Variants in CFAP54 observed in about 807,000 individuals in gnomAD.
CFAP54 encodes the protein cilia- and flagella-associated protein 54.
CFAP54 carries 290 observed loss-of-function variants against 370.4 expected under a neutral mutation model. The observed-to-expected ratio is 0.78, with a 90% confidence interval of 0.71 to 0.86. CFAP54 has a LOEUF of 0.86. CFAP54 is among the 40% of genes least tolerant of loss of function. The probability of loss-of-function intolerance (pLI) is 0.00; values close to 1 mark genes in which losing one functional copy is unlikely to be tolerated. For missense variants in CFAP54, 3,399 were observed against 3,528.7 expected (o/e 0.96, Z 0.93); for synonymous variants, 1,206 against 1,236.5 (o/e 0.98, Z 0.52).
chr12:96,615,754 A>C (rs890503715), intron 26 of CFAP54, among the ~76,000 whole-genome samples: 1 of 152,258 alleles, frequency 6.6e-6, no homozygotes, highest in Non-Finnish European at 1.5e-5. Context: ...CAAAAGACAC[A>C]TGAAAAAATG....
At chr12:96,836,390 A>G (rs1181204248) in intron 66 of CFAP54, among the ~76,000 whole-genome samples, 1 of 152,144 alleles carries the variant, frequency 6.6e-6, no homozygotes, top group Non-Finnish European at 1.5e-5. Flanking sequence ...CTGGCTTTTG[A>G]TCTTTCTTTA....
chr12:96,822,739 G>A (rs1054364809), intron 65 of CFAP54, among the ~76,000 whole-genome samples: 1 of 152,084 alleles, frequency 6.6e-6, no homozygotes, highest in Admixed American at 6.6e-5. Flanking sequence ...CATCCCAGGG[G>A]GAATCCTTTA....
At chr12:96,623,033 C>T (rs901843118) in intron 27 of CFAP54, among the ~76,000 whole-genome samples, 1 of 152,198 alleles carries the variant, frequency 6.6e-6, no homozygotes, top group Non-Finnish European at 1.5e-5. Flanking sequence ...GGGCCTTCCA[C>T]ATCATGGTAG....
At chr12:96,790,669 AT>A (rs901663361) in intron 62 of CFAP54, among the ~76,000 whole-genome samples, 23 of 151,330 alleles carry the variant, frequency 1.5e-4, no homozygotes, top group Middle Eastern at 3.4e-3. Flanking sequence ...TATTTACTTG[AT>A]TTTTTTTTGA....
chr12:96,602,995 C>G (rs1024279997), intron 26 of CFAP54, among the ~76,000 whole-genome samples: 1 of 152,138 alleles, frequency 6.6e-6, no homozygotes, highest in African/African-American at 2.4e-5. Context: ...TTGATCATGT[C>G]GTTACAATGC....
intron 67 of CFAP54, among the ~76,000 whole-genome samples, chr12:96,869,718 C>A (rs930964299): frequency 6.6e-6 from 1 of 151,394 alleles, no homozygotes. Context: ...GGTGGATCAC[C>A]TGAGGTCGGG....
chr12:96,660,981 A>G (rs1200114700), intron 38 of CFAP54, among the ~76,000 whole-genome samples: 1 of 152,206 alleles, frequency 6.6e-6, no homozygotes, highest in Non-Finnish European at 1.5e-5. Flanking sequence ...AGGGTGAGGC[A>G]GAGGGGAAGG....
intron 60 of CFAP54, among the ~76,000 whole-genome samples, chr12:96,775,511 AT>A (rs1391956638): frequency 2.6e-5 from 4 of 152,112 alleles, no homozygotes; most frequent in Non-Finnish European, 4.4e-5. Flanking sequence ...TATTCTTTTA[AT>A]TTTTTTCCAA....
At chr12:96,862,334 A>G (rs767899483) in intron 67 of CFAP54, among the ~76,000 whole-genome samples, 2 of 152,218 alleles carry the variant, frequency 1.3e-5, no homozygotes, top group Non-Finnish European at 2.9e-5. Context: ...CATATGGTTT[A>G]TAGTCAAAGG....
At chr12:96,739,843 G>A (rs1412794941) in intron 50 of CFAP54, 113 bp from the exon 51 acceptor site, 5 of 619,580 alleles carry the variant, frequency 8.1e-6, no homozygotes, top group African/African-American at 3.7e-5. Flanking sequence ...AACAGTTTTG[G>A]GGGTTGTTGG....
At chr12:96,554,856 A>G in intron 17 of CFAP54, 54 bp downstream of exon 17, 2 of 1,386,804 alleles carry the variant, frequency 1.4e-6, no homozygotes, top group African/African-American at 1.5e-5. Context: ...GCCAGACTCC[A>G]GTACAGAATC....
intron 66 of CFAP54, among the ~76,000 whole-genome samples, chr12:96,860,071 A>G (rs1037271676): frequency 6.6e-6 from 1 of 152,068 alleles, no homozygotes; most frequent in Non-Finnish European, 1.5e-5. Context: ...CTTTTTTAAG[A>G]ATAAAATGAA....
chr12:96,585,542 G>A (rs1417445940), intron 22 of CFAP54, among the ~76,000 whole-genome samples: 1 of 151,870 alleles, frequency 6.6e-6, no homozygotes, highest in African/African-American at 2.4e-5. Flanking sequence ...GACTGGTCAC[G>A]AACTCCTGAC....
intron 63 of CFAP54, among the ~76,000 whole-genome samples, chr12:96,795,271 G>T (rs943773275): frequency 6.6e-6 from 1 of 152,200 alleles, no homozygotes; most frequent in African/African-American, 2.4e-5. Flanking sequence ...GTATAGGTAA[G>T]ACACAAGGTT....
chr12:96,595,762 A>G (rs2136438679), intron 25 of CFAP54, among the ~76,000 whole-genome samples: 1 of 152,234 alleles, frequency 6.6e-6, no homozygotes. Flanking sequence ...AGTGTGGAGT[A>G]TGGTTCATCC....
intron 34 of CFAP54, 59 bp from the exon 35 acceptor site, chr12:96,649,832 G>A: frequency 8.4e-7 from 1 of 1,188,480 alleles, no homozygotes; most frequent in South Asian, 1.5e-5. Context: ...CACCTACTGT[G>A]TTTTCTGGAA....
At chr12:96,639,512 T>C (rs1281999360) in intron 32 of CFAP54, among the ~76,000 whole-genome samples, 1 of 152,224 alleles carries the variant, frequency 6.6e-6, no homozygotes, top group Non-Finnish European at 1.5e-5. Context: ...AAGGAGGAGC[T>C]GGTACCATTC....
At chr12:96,866,547 A>G (rs767328079) in intron 67 of CFAP54, among the ~76,000 whole-genome samples, 10 of 152,210 alleles carry the variant, frequency 6.6e-5, no homozygotes, top group Non-Finnish European at 1.2e-4. Flanking sequence ...CTGCCCAAGT[A>G]CAAACCACCC....
At chr12:96,699,222 A>C (rs929375234) in intron 45 of CFAP54, among the ~76,000 whole-genome samples, 4 of 152,170 alleles carry the variant, frequency 2.6e-5, no homozygotes, top group African/African-American at 9.7e-5. Flanking sequence ...CGGACAGCCA[A>C]TTTCCTATCT....
Sources: allele counts gnomAD v4.1 joint callset (sites outside exome capture counted in the v4.1 genomes callset), GRCh38; gene constraint gnomAD v4.1.1; transcripts MANE v1.5; gene names NCBI Gene and HGNC (gene_info 2026-07-23, HGNC 2026-07-21).